Variants in USH2A observed in about 807,000 individuals in gnomAD.
USH2A encodes the protein usherin, also known as Usher syndrome 2A (autosomal recessive, mild).
A neutral mutation model predicts 538.9 loss-of-function variants in USH2A; 443 were observed. The ratio of observed to expected loss-of-function variants is 0.82; its 90% CI spans 0.76 to 0.89. The LOEUF (loss-of-function observed/expected upper bound fraction) is 0.89, where lower values mean the gene tolerates loss of function less well. USH2A is among the 40% of genes least tolerant of loss of function. The probability of loss-of-function intolerance (pLI) is 0.00; values close to 1 mark genes in which losing one functional copy is unlikely to be tolerated. For missense variants in USH2A, 6,633 were observed against 6,324.8 expected (o/e 1.05, Z -1.65); for synonymous variants, 2,413 against 2,273.5 (o/e 1.06, Z -1.75).
intron 41 of USH2A, among the ~76,000 whole-genome samples, chr1:215,883,199 T>G (rs1179212702): frequency 2.0e-5 from 3 of 152,180 alleles, no homozygotes; most frequent in Non-Finnish European, 4.4e-5. Context: ...CCGTAATTAC[T>G]TTTGCACCAA....
At chr1:216,093,016 A>T (rs1052555638) in intron 22 of USH2A, among the ~76,000 whole-genome samples, 1 of 151,804 alleles carries the variant, frequency 6.6e-6, no homozygotes, top group Non-Finnish European at 1.5e-5. Flanking sequence ...CCCAGGTTGG[A>T]GTGCAGTGGC....
intron 19 of USH2A, 116 bp from the exon 20 acceptor site, chr1:216,190,483 A>T: frequency 7.8e-7 from 1 of 1,288,652 alleles, no homozygotes. Context: ...ATTGCCAACC[A>T]CCATTAGGAA....
chr1:215,952,215 T>G (rs1481004966), intron 37 of USH2A, among the ~76,000 whole-genome samples: 3 of 152,354 alleles, frequency 2.0e-5, no homozygotes, highest in East Asian at 1.9e-4. Flanking sequence ...CTGACTTTTT[T>G]AGTTTTCCAT....
chr1:215,645,293 A>G (rs1169290369), intron 67 of USH2A, among the ~76,000 whole-genome samples: 1 of 152,114 alleles, frequency 6.6e-6, no homozygotes, highest in Non-Finnish European at 1.5e-5. Flanking sequence ...TCAGGGAAAG[A>G]GTAGTACTGA....
At chr1:216,125,241 A>G (rs2033225404) in intron 21 of USH2A, among the ~76,000 whole-genome samples, 1 of 149,152 alleles carries the variant, frequency 6.7e-6, no homozygotes, top group South Asian at 2.1e-4. Context: ...TAAACAAGCA[A>G]AAAAAAAAAA....
At chr1:216,151,152 C>T (rs985683024) in intron 21 of USH2A, among the ~76,000 whole-genome samples, 4 of 152,100 alleles carry the variant, frequency 2.6e-5, no homozygotes, top group Non-Finnish European at 5.9e-5. Context: ...ATCGAACCTC[C>T]CCCTCTACGC....
chr1:216,279,882 T>A (rs1344034941), intron 11 of USH2A, among the ~76,000 whole-genome samples: 1 of 152,090 alleles, frequency 6.6e-6, no homozygotes, highest in East Asian at 1.9e-4. Context: ...CCCTACCTTA[T>A]CACCATCACC....
intron 35 of USH2A, among the ~76,000 whole-genome samples, chr1:215,990,764 T>TC (rs1667985011): frequency 7.0e-6 from 1 of 143,366 alleles, no homozygotes; most frequent in Admixed American, 6.9e-5. Context: ...ATTTTCCTTT[T>TC]TTTTTTTTTT....
At chr1:216,102,786 C>A (rs143954173) in intron 21 of USH2A, among the ~76,000 whole-genome samples, 1,541 of 151,934 alleles carry the variant, frequency 0.01, 24 homozygotes, top group African/African-American at 0.036. Flanking sequence ...GGCGACAGAA[C>A]GAGATTCCGT....
At chr1:215,734,601 C>T (rs572022590) in intron 60 of USH2A, among the ~76,000 whole-genome samples, 53 of 152,282 alleles carry the variant, frequency 3.5e-4, no homozygotes, top group African/African-American at 1.2e-3. Context: ...TGAGTCATTC[C>T]TTTGCTCCCA....
intron 60 of USH2A, among the ~76,000 whole-genome samples, chr1:215,729,116 G>T (rs1345391774): frequency 6.6e-6 from 1 of 152,096 alleles, no homozygotes; most frequent in Non-Finnish European, 1.5e-5. Context: ...GATGATTGCA[G>T]AGACTTCAAA....
chr1:216,370,677 C>CAAAAAAAAAA (rs58845914), intron 3 of USH2A, among the ~76,000 whole-genome samples: 411 of 29,994 alleles, frequency 0.014, 117 homozygotes, highest in South Asian at 0.036. Flanking sequence ...GACTCTGTCT[C>CAAAAAAAAAA]AAAAAAAAAA....
chr1:215,718,546 G>A (rs982179599), intron 61 of USH2A, among the ~76,000 whole-genome samples: 6 of 152,164 alleles, frequency 3.9e-5, no homozygotes, highest in Non-Finnish European at 7.3e-5. Context: ...CTAACCTCTT[G>A]CTCTAATGCA....
At chr1:215,873,680 T>A (rs186627061) in intron 43 of USH2A, among the ~76,000 whole-genome samples, 1 of 152,206 alleles carries the variant, frequency 6.6e-6, no homozygotes, top group African/African-American at 2.4e-5. Flanking sequence ...ACATCTTAAG[T>A]CTTACCCTTC....
intron 32 of USH2A, among the ~76,000 whole-genome samples, chr1:216,021,027 T>C (rs1358625642): frequency 6.6e-6 from 1 of 152,120 alleles, no homozygotes; most frequent in Admixed American, 6.6e-5. Context: ...GAAGGTAGTC[T>C]TGTGGGACTG....
chr1:216,341,248 G>C (rs2038071417), intron 4 of USH2A, among the ~76,000 whole-genome samples: 1 of 152,076 alleles, frequency 6.6e-6, no homozygotes, highest in South Asian at 2.1e-4. Flanking sequence ...ATTCACAATT[G>C]CTACAAAGAG....
chr1:216,341,753 C>T (rs2038080348), intron 4 of USH2A, among the ~76,000 whole-genome samples: 1 of 152,074 alleles, frequency 6.6e-6, no homozygotes, highest in Non-Finnish European at 1.5e-5. Context: ...GGAAAAGATT[C>T]CCTATTTTAT....
At chr1:216,392,273 T>C (rs6604551) in intron 3 of USH2A, among the ~76,000 whole-genome samples, 116,806 of 151,884 alleles carry the variant, frequency 0.77, 45,359 homozygotes, top group African/African-American at 0.87. Context: ...CTGAGGCAGG[T>C]GGATCACAAG....
At chr1:215,790,409 G>C in intron 50 of USH2A, 127 bp from the exon 51 acceptor site, 1 of 946,572 alleles carries the variant, frequency 1.1e-6, no homozygotes, top group Non-Finnish European at 1.6e-6. Context: ...ACCTAAGGTA[G>C]CATTTCCCTA....
Sources: gnomAD v4.1 joint callset for allele counts (sites outside exome capture counted in the v4.1 genomes callset) on GRCh38, gnomAD v4.1.1 for gene constraint, MANE v1.5 for transcripts, NCBI Gene and HGNC (gene_info 2026-07-23, HGNC 2026-07-21) for gene names.